The following IDO2 variants were observed in gnomAD, a reference collection of about 807,000 sequenced individuals.
The protein encoded by IDO2 is indoleamine 2,3-dioxygenase 2, also known as indoleamine 2,3-dioxygenase-like 1 protein.
Under a neutral mutation model 45.1 loss-of-function variants are expected in IDO2, and 46 were observed. That is an observed-to-expected ratio of 1.02 (90% CI 0.80 to 1.30). The LOEUF (loss-of-function observed/expected upper bound fraction) is 1.30, where lower values mean the gene tolerates loss of function less well. Among genes scored for constraint, IDO2 ranks in the 50% most tolerant of loss-of-function variants. IDO2 has a pLI of 0.00. For missense variants in IDO2, 544 were observed against 491.8 expected (o/e 1.11, Z -1.00); for synonymous variants, 218 against 184.9 (o/e 1.18, Z -1.45).
chr8:39,941,221 C>CAAAAAAAAAA lies in IDO2; in HGVS notation c.-18+6012_-18+6021dup, dbSNP rs59745370. 7.1e-3 allele frequency among the ~76,000 whole-genome samples: 572 copies of CAAAAAAAAAA among 80,452 alleles called. 55 individuals carry two copies. The highest frequency in any genetic ancestry group is 0.033 in the African/African-American group (542 of 16,264). 52.8% of individuals were successfully genotyped at this position (80,452 alleles called of 152,430 possible). ...TGGGTGACAAAGCAAGACTCCATCT[C>CAAAAAAAAAA]AAAAAAAAAAAAAAAAAAGCCTCCT... On this transcript the variant is annotated intron_variant, in intron 1 of 10. Transcript: ENST00000502986.
chr8:39,952,217 A>C (rs1341023789), intron 2 of IDO2, among the ~76,000 whole-genome samples: 1 of 152,200 alleles, frequency 6.6e-6, no homozygotes, highest in Non-Finnish European at 1.5e-5. Flanking sequence ...AGAGTGTTGC[A>C]AGAGTAGATA....
chr8:39,984,279 A>G (rs930060317), intron 5 of IDO2, among the ~76,000 whole-genome samples: 1 of 150,318 alleles, frequency 6.7e-6, no homozygotes, highest in African/African-American at 2.4e-5. Context: ...GTTTGAGACC[A>G]GCGTGGCCAA....
chr8:39,956,900 G>T (rs900821391), intron 2 of IDO2, among the ~76,000 whole-genome samples: 1 of 151,502 alleles, frequency 6.6e-6, no homozygotes, highest in Non-Finnish European at 1.5e-5. Flanking sequence ...AAAATCAGCC[G>T]GACGTGGTGG....
At chr8:40,010,045 G>GT in intron 9 of IDO2, among the ~76,000 whole-genome samples, 1 of 72,886 alleles carries the variant, frequency 1.4e-5, no homozygotes, top group Middle Eastern at 5.8e-3. Context: ...GGTGGGTGGG[G>GT]GGATGGACAA....
chr8:39,955,299 G>A (rs1391654474), intron 2 of IDO2, among the ~76,000 whole-genome samples: 2 of 138,940 alleles, frequency 1.4e-5, no homozygotes, highest in Non-Finnish European at 3.0e-5. Flanking sequence ...TTGTTGCCTA[G>A]GCTGGAGTGC....
At position 39,959,035 on chromosome 8, in the gene IDO2, C is replaced by T. The variant is rs1442432389; in HGVS notation, c.100-4573C>T. Among the ~76,000 whole-genome samples, 4 of 152,054 alleles carry T rather than the reference C, an allele frequency of 2.6e-5. No homozygotes were observed. In the East Asian group the frequency reaches 7.7e-4, roughly 29 times the overall value. On this transcript the variant is annotated intron_variant, in intron 2 of 10. Coordinates refer to ENST00000502986, the Ensembl canonical transcript of IDO2. ...TGACTAAAACATCTAGAGGTTTTCC[C>T]TTTGTTTTCTGTACTTCTTAGTATT...
At chr8:39,963,207 C>T (rs1459151532) in intron 2 of IDO2, among the ~76,000 whole-genome samples, 1 of 152,230 alleles carries the variant, frequency 6.6e-6, no homozygotes, top group Non-Finnish European at 1.5e-5. Flanking sequence ...CCCTTCTTCA[C>T]ATTTATACCC....
chr8:39,941,626 G>A (rs962782157), intron 1 of IDO2, among the ~76,000 whole-genome samples: 15 of 152,068 alleles, frequency 9.9e-5, no homozygotes, highest in Admixed American at 3.9e-4. Flanking sequence ...CTTGGGAACC[G>A]AGTATAACTA....
At chr8:39,979,254 TG>T in intron 4 of IDO2, 68 bp downstream of exon 4, 1 of 1,537,964 alleles carries the variant, frequency 6.5e-7, no homozygotes, top group African/African-American at 1.4e-5. Context: ...ACGTGCTCCC[TG>T]CTTGGTGCTA....
rs1585418380 is a variant in IDO2, at chr8:40,000,887, A to G, written c.668-4440A>G. 3.3e-5 allele frequency among the ~76,000 whole-genome samples: 5 copies of G among 152,322 alleles called. No individual in the cohort carries two copies. In the South Asian group the frequency reaches 1.0e-3, roughly 32 times the overall value. ...ACTTCATTTCTTCATTCATTAATTC[A>G]TTCATTCAGTCTTTTGTTTATTTGT... On this transcript the variant is annotated intron_variant, in intron 8 of 10. Transcript: ENST00000502986.
chr8:39,981,621 A>T (rs1808353467), intron 4 of IDO2, among the ~76,000 whole-genome samples: 1 of 152,144 alleles, frequency 6.6e-6, no homozygotes. Context: ...TCAGCTCAGA[A>T]AGTACCTGGC....
At chr8:39,997,746 T>C (rs1305183799) in intron 8 of IDO2, 6 of 152,886 alleles carry the variant, frequency 3.9e-5, no homozygotes, top group Non-Finnish European at 7.3e-5. Flanking sequence ...GAAGTTACAT[T>C]ACAGCTACTT....
intron 3 of IDO2, among the ~76,000 whole-genome samples, chr8:39,975,171 G>GTT (rs57302611): frequency 3.0e-5 from 4 of 133,238 alleles, no homozygotes; most frequent in Non-Finnish European, 4.9e-5. Flanking sequence ...TTTTTTTTTT[G>GTT]TTTTTTTTTT....
intron 1 of IDO2, among the ~76,000 whole-genome samples, chr8:39,939,286 C>T (rs1010887342): frequency 2.0e-5 from 3 of 147,388 alleles, no homozygotes; most frequent in African/African-American, 7.5e-5. Context: ...GTGGCTCACA[C>T]CTGTAATCCC....
chr8:39,948,561 G>A (rs1237741439), intron 1 of IDO2, among the ~76,000 whole-genome samples: 1 of 152,178 alleles, frequency 6.6e-6, no homozygotes, highest in African/African-American at 2.4e-5. Flanking sequence ...CTTATAAACT[G>A]TCCTGGATCA....
In IDO2 at chr8:40,012,820, TCCC is replaced by T. The variant is rs367703630; in HGVS notation, c.720-744_720-742del. 2.6e-3 allele frequency among the ~76,000 whole-genome samples: 396 copies of T among 152,238 alleles called. 3 individuals are homozygous for T. The highest frequency in any genetic ancestry group is 8.9e-3 in the African/African-American group (369 of 41,556). On this transcript the variant is annotated intron_variant, in intron 9 of 10. Transcript: ENST00000502986. The stretch of plus-strand genomic sequence containing the variant: ...TCACAGAGCATGGCCGGCAGCCCAG[TCCC>T]AGCCTTTCTGCATGTCCCTGACTTC...
intron 1 of IDO2, among the ~76,000 whole-genome samples, chr8:39,936,721 G>T (rs1261518923): frequency 6.6e-6 from 1 of 152,144 alleles, no homozygotes; most frequent in Non-Finnish European, 1.5e-5. Context: ...TCAACACAGT[G>T]GATTAGCATC....
rs143903180 is a variant in IDO2, at chr8:39,938,608, A to C, written c.-18+3390A>C. On this transcript the variant is annotated intron_variant, in intron 1 of 10. Coordinates refer to ENST00000502986, the Ensembl canonical transcript of IDO2. Reference sequence around the variant, plus strand: ...AAGCTCTATATCACATATCAATATTAAAATGTGATCTGTGAAAGGCATCGT... The same window carrying C: ...AAGCTCTATATCACATATCAATATTCAAATGTGATCTGTGAAAGGCATCGT... Among the ~76,000 whole-genome samples the C allele has an allele frequency of 1.6e-3, 245 of 152,278 alleles. 1 individual carries two copies. The highest frequency in any genetic ancestry group is 5.5e-3 in the African/African-American group (227 of 41,572).
chr8:39,993,778 G>A (rs949784760), intron 8 of IDO2, among the ~76,000 whole-genome samples: 8 of 152,184 alleles, frequency 5.3e-5, no homozygotes, highest in African/African-American at 1.7e-4. Flanking sequence ...GAGAGGAAGA[G>A]GCGGGTGGAT....
Sources: allele counts gnomAD v4.1 joint callset (sites outside exome capture counted in the v4.1 genomes callset), GRCh38; gene constraint gnomAD v4.1.1; transcripts MANE v1.5; gene names NCBI Gene and HGNC (gene_info 2026-07-23, HGNC 2026-07-21).